Variants in APLF observed in about 807,000 individuals in gnomAD.
APLF encodes aprataxin and PNK-like factor.
A neutral mutation model predicts 55.6 loss-of-function variants in APLF; 61 were observed. That is an observed-to-expected ratio of 1.10 (90% CI 0.89 to 1.36). The LOEUF is 1.36. Ranked by LOEUF, APLF falls within the 40% of genes most tolerant of loss-of-function variation. APLF has a pLI of 0.00. For missense variants in APLF, 611 were observed against 602.5 expected (o/e 1.01, Z -0.15); for synonymous variants, 207 against 214.8 (o/e 0.96, Z 0.32).
chr2:68,551,603 CTTTT>C (rs70954311), intron 8 of APLF, among the ~76,000 whole-genome samples: 9 of 115,744 alleles, frequency 7.8e-5, no homozygotes, highest in Non-Finnish European at 1.1e-4. Flanking sequence ...TCTTCTTCTT[CTTTT>C]TTTTTTTTTT....
intron 5 of APLF, among the ~76,000 whole-genome samples, chr2:68,525,056 G>A (rs1360140274): frequency 6.6e-6 from 1 of 152,158 alleles, no homozygotes; most frequent in South Asian, 2.1e-4. Context: ...CACTTTGGGA[G>A]GCTGAGACAG....
chr2:68,502,596 A>C lies in APLF; in HGVS notation c.169-135A>C, dbSNP rs1676756847. ...TAGATTTATTAAACTTTTAAGTCTA[A>C]GTTTATGCTTAAATTTTTTTGATAC... is the stretch of plus-strand genomic sequence containing the variant. On this transcript the variant is annotated intron_variant, in intron 2 of 9. Coordinates refer to ENST00000303795, the MANE Select transcript of APLF (RefSeq NM_173545.3). 1.9e-5 allele frequency: 9 copies of C among 484,796 alleles called. No homozygotes were observed. The East Asian group carries it at 3.4e-4, about 18-fold the overall frequency. The allele number at this position is 484,796 out of a possible 1,614,324, so 30.0% of individuals were successfully genotyped here. A position where few individuals can be genotyped will look rare whatever the true frequency, so the allele number is the denominator to read the frequency against.
intron 5 of APLF, among the ~76,000 whole-genome samples, chr2:68,521,695 T>A (rs550383194): frequency 6.6e-6 from 1 of 151,950 alleles, no homozygotes; most frequent in Non-Finnish European, 1.5e-5. Context: ...ACTGGTATCA[T>A]GCTATTCTAT....
At chr2:68,470,289 A>G (rs1675576589) in intron 1 of APLF, among the ~76,000 whole-genome samples, 1 of 152,254 alleles carries the variant, frequency 6.6e-6, no homozygotes, top group African/African-American at 2.4e-5. Flanking sequence ...AGAACAGATT[A>G]GTGGTTGCCA....
chr2:68,480,558 T>A (rs1386456517), intron 1 of APLF, among the ~76,000 whole-genome samples: 1 of 152,044 alleles, frequency 6.6e-6, no homozygotes, highest in Non-Finnish European at 1.5e-5. Flanking sequence ...CACCTTGGCC[T>A]CCCAAAGTGC....
At chr2:68,521,932 T>C (rs1184372495) in intron 5 of APLF, among the ~76,000 whole-genome samples, 1 of 151,998 alleles carries the variant, frequency 6.6e-6, no homozygotes, top group East Asian at 1.9e-4. Flanking sequence ...AAAGTGCTAG[T>C]TATTCTGTTT....
chr2:68,519,090 A>G, intron 5 of APLF, among the ~76,000 whole-genome samples: 1 of 125,296 alleles, frequency 8.0e-6, no homozygotes, highest in Non-Finnish European at 1.6e-5. Flanking sequence ...ATATATAATT[A>G]ATATATAATA....
At chr2:68,515,891 G>T (rs1480457679) in intron 5 of APLF, among the ~76,000 whole-genome samples, 1 of 151,742 alleles carries the variant, frequency 6.6e-6, no homozygotes, top group Non-Finnish European at 1.5e-5. Context: ...ATTCTGTGGT[G>T]CTGTTATTTT....
rs1425420131 is a variant in APLF, at chr2:68,513,064, C to G, written c.342-16C>G. The G allele has an allele frequency of 2.5e-6, 4 of 1,584,866 alleles. No individual in the cohort carries two copies. The highest frequency in any genetic ancestry group is 1.1e-5 in the South Asian group (1 of 87,224). The stretch of plus-strand genomic sequence containing the variant: ...TAAATTTAAAATTAAAGACCAGTTT[C>G]TATTTTATCTTATAGAAACAGTCAA... On this transcript the variant is annotated splice_polypyrimidine_tract_variant and intron_variant, in intron 3 of 9. Transcript: ENST00000303795.
At position 68,580,089 on chromosome 2, in the gene APLF, A is replaced by T. The variant is rs899364758; in HGVS notation, c.*2067A>T. ...AGCTGCTTTTAACGATACAGTTTTA[A>T]TGCAACTTTCATAATCATCCTGAAG... On this transcript the variant is annotated 3_prime_UTR_variant, in exon 10 of 10. Coordinates refer to ENST00000303795, the MANE Select transcript of APLF (RefSeq NM_173545.3). The T allele has an allele frequency of 1.3e-5, 12 of 944,198 alleles. No individual in the cohort carries two copies. In the African/African-American group the frequency reaches 1.8e-4, roughly 14 times the overall value. The allele number at this position is 944,198 out of a possible 1,614,324, so 58.5% of individuals were successfully genotyped here.
chr2:68,511,776 C>G (rs1646844158), intron 3 of APLF, among the ~76,000 whole-genome samples: 1 of 151,640 alleles, frequency 6.6e-6, no homozygotes, highest in South Asian at 2.1e-4. Context: ...CAAGATATGT[C>G]TCCAGCACCT....
chr2:68,493,037 G>A (rs1355194850), intron 2 of APLF, among the ~76,000 whole-genome samples: 1 of 152,072 alleles, frequency 6.6e-6, no homozygotes, highest in East Asian at 1.9e-4. Flanking sequence ...GAGAGCCCAG[G>A]TTCTTTGAAC....
chr2:68,528,116 G>C (rs1670132739), intron 6 of APLF: 1 of 572,540 alleles, frequency 1.7e-6, no homozygotes, highest in Admixed American at 3.0e-5. Context: ...CCGGGCAGAG[G>C]TGCTCCTCAC....
intron 2 of APLF, 133 bp from the exon 3 acceptor site, chr2:68,502,598 T>G (rs1343527242): frequency 2.0e-6 from 1 of 502,124 alleles, no homozygotes; most frequent in Non-Finnish European, 3.1e-6. Context: ...TAAGTCTAAG[T>G]TTATGCTTAA....
intron 5 of APLF, among the ~76,000 whole-genome samples, chr2:68,516,421 A>T (rs1187413050): frequency 2.0e-5 from 3 of 151,272 alleles, no homozygotes; most frequent in Non-Finnish European, 1.5e-5. Context: ...TATTATTATT[A>T]TTATCATCAC....
intron 7 of APLF, among the ~76,000 whole-genome samples, chr2:68,538,636 G>T (rs1256381237): frequency 6.7e-6 from 1 of 148,244 alleles, no homozygotes; most frequent in Non-Finnish European, 1.5e-5. Flanking sequence ...TTTTTGTAAT[G>T]GTGCTTTGAA....
chr2:68,541,667 A>C (rs985757962), intron 7 of APLF, among the ~76,000 whole-genome samples: 3 of 152,210 alleles, frequency 2.0e-5, no homozygotes, highest in Non-Finnish European at 1.5e-5. Context: ...CTGCTTAATT[A>C]TGCTGTCACA....
chr2:68,577,650 T>C (rs981006241), intron 9 of APLF, among the ~76,000 whole-genome samples, 170 bp from the exon 10 acceptor site: 4 of 152,116 alleles, frequency 2.6e-5, no homozygotes, highest in African/African-American at 9.7e-5. Flanking sequence ...AAAGTTAGAA[T>C]AATAAATAAC....
intron 6 of APLF, among the ~76,000 whole-genome samples, chr2:68,536,097 TCTCA>T (rs1670376546): frequency 6.6e-6 from 1 of 152,110 alleles, no homozygotes; most frequent in African/African-American, 2.4e-5. Context: ...ATTGCCCAAT[TCTCA>T]CTCGAGAGTT....
Sources: gnomAD v4.1 joint callset for allele counts (sites outside exome capture counted in the v4.1 genomes callset) on GRCh38, gnomAD v4.1.1 for gene constraint, MANE v1.5 for transcripts, NCBI Gene and HGNC (gene_info 2026-07-23, HGNC 2026-07-21) for gene names.